ZFP57: variants seen among roughly 807,000 people sequenced by gnomAD.
ZFP57 encodes the protein ZFP57 zinc finger protein.
In ZFP57, 12 loss-of-function variants were observed where a neutral mutation model predicts 15.8. The ratio of observed to expected loss-of-function variants is 0.76; its 90% CI spans 0.49 to 1.23. ZFP57 has a LOEUF of 1.23. ZFP57 is among the 50% of genes most tolerant of loss of function. The probability of loss-of-function intolerance (pLI) is 0.00; values close to 1 mark genes in which losing one functional copy is unlikely to be tolerated. For synonymous variants in ZFP57, 203 were observed against 242.3 expected (o/e 0.84, Z 1.51); for missense variants, 536 against 654.9 (o/e 0.82, Z 1.98).
At chr6:29,675,273 A>G in intron 4 of ZFP57, 113 bp downstream of exon 4, 1 of 834,160 alleles carries the variant, frequency 1.2e-6, no homozygotes, top group Non-Finnish European at 2.1e-6. Context: ...CAGGCTGGAC[A>G]GAGGTACACT....
chr6:29,672,416 C>A, downstream of ZFP57: 1 of 1,498,110 alleles, frequency 6.7e-7, no homozygotes, highest in Non-Finnish European at 9.3e-7. Context: ...ACGCACCTGT[C>A]TCCCTCTACT....
In ZFP57 at chr6:29,681,116, G is replaced by A. The variant is rs1772325673; in HGVS notation, c.-418C>T. The A allele has an allele frequency of 6.6e-6, 1 of 152,114 alleles. No homozygotes were observed. The highest frequency in any genetic ancestry group is 6.5e-5 in the Admixed American group (1 of 15,274). The allele number at this position is 152,114 out of a possible 1,614,324, so 9.4% of individuals were successfully genotyped here. ...GGCACAGGGTCTCCCGGGGACCAGC[G>A]GCTGGAGCGCTCCGGCCGAGCACCC... On this transcript the variant is annotated 5_prime_UTR_variant, in exon 1 of 5. Transcript: ENST00000376883.
chr6:29,675,849 T>C, intron 3 of ZFP57, 84 bp downstream of exon 3: 1 of 1,564,048 alleles, frequency 6.4e-7, no homozygotes, highest in Non-Finnish European at 8.8e-7. Flanking sequence ...AAACTAATTG[T>C]AAGCTGATCT....
At chr6:29,675,622 C>G in intron 3 of ZFP57, 135 bp from the exon 4 acceptor site, 1 of 815,428 alleles carries the variant, frequency 1.2e-6, no homozygotes, top group Non-Finnish European at 2.2e-6. Flanking sequence ...GGAAAGGAGA[C>G]ATTAAAAGGC....
At position 29,675,418 on chromosome 6, in the gene ZFP57, A is replaced by G. The variant is rs1277272289; in HGVS notation, c.320T>C (p.Phe107Ser). 1.2e-6 allele frequency: 2 copies of G among 1,614,042 alleles called. No homozygotes were observed. Among genetic ancestry groups the G allele is most frequent in the Non-Finnish European group, 8.5e-7 (1 of 1,180,004 alleles). Residue 107 changes from phenylalanine to serine, a missense_variant, in exon 4 of 5, where the codon TTT becomes TCT. Coordinates refer to ENST00000376883, the MANE Select transcript of ZFP57 (RefSeq NM_001109809.5). ...GCCTTCTGTGTTTGGGAGATGGACA[A>G]ACTCTCTCCACTGTTCCTCTTCTTG... The part of the protein sequence containing the change: ...LEQEEEQWRE[F>S]VHLPNTEGLS...
chr6:29,679,480 C>A (rs406424), intron 1 of ZFP57, among the ~76,000 whole-genome samples: 8,065 of 152,286 alleles, frequency 0.053, 431 homozygotes, highest in African/African-American at 0.14. Context: ...CTTCCTCTCT[C>A]TTTCTTTCCT....
chr6:29,676,100 A>ATATATG, intron 2 of ZFP57, 41 bp from the exon 3 acceptor site: 1 of 1,318,966 alleles, frequency 7.6e-7, no homozygotes, highest in Non-Finnish European at 1.1e-6. Context: ...ATATAAATAT[A>ATATATG]TATGTGTGTG....
rs1772119846 is a variant in ZFP57, at chr6:29,677,193, TG to T, written c.-191del. 1.4e-6 allele frequency: 1 copy of T among 732,156 alleles called. No individual in the cohort carries two copies. The highest frequency in any genetic ancestry group is 2.7e-5 in the East Asian group (1 of 37,246). The allele number at this position is 732,156 out of a possible 1,614,324, so 45.4% of individuals were successfully genotyped here. On this transcript the variant is annotated 5_prime_UTR_variant, in exon 2 of 5. Transcript: ENST00000376883. ...GCTCCAAGAGGCTGTCTTCCTTTTT[TG>T]TTCTGCTGTCCAAATTCTCCTCTTC...
chr6:29,676,121 T>C, intron 2 of ZFP57, 62 bp from the exon 3 acceptor site: 1 of 1,496,654 alleles, frequency 6.7e-7, no homozygotes, highest in South Asian at 1.2e-5. Flanking sequence ...TGTGTGTGTG[T>C]GTGTACAAGA....
In ZFP57 at chr6:29,675,504, A is replaced by G. The variant is rs773416110; in HGVS notation, c.251-17T>C. On this transcript the variant is annotated splice_polypyrimidine_tract_variant and intron_variant, in intron 3 of 4. Transcript: ENST00000376883. ...AGATTCTGGCTGATGTGTGGGAATG[A>G]GAAAGAGTTGAGTTGGTCCCAGGTA... The G allele has an allele frequency of 6.2e-7, 1 of 1,609,228 alleles. No homozygotes were observed. Among genetic ancestry groups the G allele is most frequent in the Admixed American group, 1.7e-5 (1 of 59,992 alleles).
chr6:29,672,656 G>T lies in ZFP57; in HGVS notation c.1455C>A (p.Phe485Leu), dbSNP rs1460618831. ...CRVILGQWLG[F>L]SHDVPTMAGE... is the part of the protein sequence containing the mutation. ...CAGCCATAGTGGGGACATCATGAGA[G>T]AAGCCAAGCCACTGGCCCAGGATCA... Residue 485 changes from phenylalanine to leucine, a missense_variant, in exon 5 of 5, where the codon TTC (phenylalanine) becomes TTA (leucine). Physicochemically the swap from Phe to Leu is conservative, Grantham distance 22 (BLOSUM62 0). Coordinates refer to ENST00000376883, the MANE Select transcript of ZFP57 (RefSeq NM_001109809.5). The T allele has an allele frequency of 1.2e-6, 2 of 1,611,348 alleles. No individual in the cohort carries two copies. Among genetic ancestry groups the T allele is most frequent in the Admixed American group, 3.3e-5 (2 of 59,986 alleles).
At chr6:29,679,285 A>G (rs1045464016) in intron 1 of ZFP57, among the ~76,000 whole-genome samples, 1 of 152,248 alleles carries the variant, frequency 6.6e-6, no homozygotes, top group African/African-American at 2.4e-5. Context: ...TACTAGAGAT[A>G]GAAAGAAAAG....
chr6:29,676,483 C>T (rs1772076620), intron 2 of ZFP57, among the ~76,000 whole-genome samples: 1 of 144,802 alleles, frequency 6.9e-6, no homozygotes, highest in Non-Finnish European at 1.5e-5. Flanking sequence ...TAGCAGTGAG[C>T]CAAGATCGCG....
chr6:29,672,672 C>A lies in ZFP57; in HGVS notation c.1439G>T (p.Gly480Val). Residue 480 changes from glycine (G) to valine (V), a missense_variant, in exon 5 of 5, where the codon GGC (glycine) becomes GTC (valine). Transcript: ENST00000376883. ...ATCATGAGAGAAGCCAAGCCACTGG[C>A]CCAGGATCACCCGGCATTTATGGTG... Reference protein sequence around the residue: ...SSHHKCRVILGQWLGFSHDVP... With the variant: ...SSHHKCRVILVQWLGFSHDVP... 6.2e-7 allele frequency: 1 copy of A among 1,612,036 alleles called. No individual in the cohort carries two copies. Among genetic ancestry groups the A allele is most frequent in the Non-Finnish European group, 8.5e-7 (1 of 1,179,170 alleles).
rs771827176 is a variant in ZFP57 at position 29,673,653 on chromosome 6, AG to A, written c.457del (p.Leu153TyrfsTer49). The A allele has an allele frequency of 1.9e-6, 3 of 1,612,860 alleles. No individual in the cohort carries two copies. The South Asian group carries it at 3.3e-5, about 18-fold the overall frequency. ...GTCCATAGTCCCAGCTGGGGCAGATAGGGGGCACTGGCCGGCCCCTCTGCAT... is the reference window on the plus strand; with the variant it reads ...GTCCATAGTCCCAGCTGGGGCAGATAGGGGCACTGGCCGGCCCCTCTGCAT... ...LACRGAGQCP[L>X]SAPAGTMDRT... On this transcript the variant is annotated frameshift_variant, in exon 5 of 5. Transcript: ENST00000376883. LOFTEE classifies it low-confidence loss of function (END_TRUNC). This position sits in a 1 kb window ranked among gnomAD's most constrained non-coding sequence, Gnocchi z 4.7.
At chr6:29,678,653 T>A (rs1772189085) in intron 1 of ZFP57, among the ~76,000 whole-genome samples, 1 of 106,256 alleles carries the variant, frequency 9.4e-6, no homozygotes, top group Non-Finnish European at 2.3e-5. Context: ...AATTGTTCTA[T>A]CTTATTACTA....
Position 29,675,820 on chromosome 6 carries a change from A to G in ZFP57, c.250+113T>C, listed in dbSNP as rs1261599957. Reference sequence around the variant, plus strand: ...CTCAGATCTTTCACACCTGGAAAGCATAGAACCAGGGGTCAGTGAAACTAA... The same window carrying G: ...CTCAGATCTTTCACACCTGGAAAGCGTAGAACCAGGGGTCAGTGAAACTAA... On this transcript the variant is annotated intron_variant, in intron 3 of 4. Transcript: ENST00000376883. 6 of 1,355,082 alleles carry G rather than the reference A, an allele frequency of 4.4e-6. No individual in the cohort carries two copies. The African/African-American group carries it at 7.2e-5, about 16-fold the overall frequency. 83.9% of individuals were successfully genotyped at this position (1,355,082 alleles called of 1,614,324 possible).
intron 3 of ZFP57, 87 bp from the exon 4 acceptor site, chr6:29,675,574 C>A: frequency 9.0e-7 from 1 of 1,112,702 alleles, no homozygotes; most frequent in Admixed American, 1.7e-5. Flanking sequence ...CCTCCTGTAG[C>A]CTTTGTTTAA....
chr6:29,676,732 T>G, intron 2 of ZFP57, 149 bp downstream of exon 2: 1 of 994,372 alleles, frequency 1.0e-6, no homozygotes, highest in Non-Finnish European at 1.5e-6. Flanking sequence ...GTGCGGGAGA[T>G]GGAGAAAGGT....
Sources: allele counts gnomAD v4.1 joint callset (sites outside exome capture counted in the v4.1 genomes callset), GRCh38; gene constraint gnomAD v4.1.1; non-coding constraint Gnocchi (gnomAD v3.1); transcripts MANE v1.5; gene names NCBI Gene and HGNC (gene_info 2026-07-23, HGNC 2026-07-21).